NALCN: variants seen among roughly 807,000 people sequenced by gnomAD.
NALCN encodes the protein sodium leak channel NALCN.
A neutral mutation model predicts 225.3 loss-of-function variants in NALCN; 111 were observed. That is an observed-to-expected ratio of 0.49 (90% confidence interval 0.42 to 0.58). The LOEUF (loss-of-function observed/expected upper bound fraction) is 0.58. Among genes scored for constraint, NALCN ranks in the 20% least tolerant of loss-of-function variants. The pLI, the probability that NALCN is intolerant of heterozygous loss-of-function variation, is 0.00. For synonymous variants in NALCN, 764 were observed against 769.0 expected, an observed-to-expected ratio of 0.99 and a Z score of 0.11; for missense variants, 1,378 against 2,202.4, an observed-to-expected ratio of 0.63 and a Z score of 7.49.
chr13:101,273,232 C>T (rs565514062), intron 10 of NALCN, among the ~76,000 whole-genome samples: 1 of 152,342 alleles, frequency 6.6e-6, no homozygotes, highest in Non-Finnish European at 1.5e-5. Flanking sequence ...GGGAAAACGG[C>T]TTGTCACAGC....
At chr13:101,136,407 A>G (rs1250088412) in intron 17 of NALCN, among the ~76,000 whole-genome samples, 1 of 151,770 alleles carries the variant, frequency 6.6e-6, no homozygotes, top group African/African-American at 2.4e-5. Flanking sequence ...TGCACCCATT[A>G]ACTCATCATT....
intron 7 of NALCN, among the ~76,000 whole-genome samples, chr13:101,301,509 T>G (rs1423544847): frequency 6.6e-6 from 1 of 152,016 alleles, no homozygotes; most frequent in Non-Finnish European, 1.5e-5. Flanking sequence ...GATCATGAGG[T>G]CAGGAGCTTG....
intron 3 of NALCN, among the ~76,000 whole-genome samples, chr13:101,391,485 C>T (rs1023945617): frequency 6.7e-6 from 1 of 148,592 alleles, no homozygotes; most frequent in African/African-American, 2.5e-5. Flanking sequence ...GAGTTGGAGA[C>T]CAGCCTGGGC....
At chr13:101,151,708 A>G (rs1004544555) in intron 15 of NALCN, among the ~76,000 whole-genome samples, 2 of 152,210 alleles carry the variant, frequency 1.3e-5, no homozygotes, top group African/African-American at 4.8e-5. Context: ...GAGTCTTGCT[A>G]AGGCGTAAAC....
intron 1 of NALCN, among the ~76,000 whole-genome samples, chr13:101,412,925 G>C (rs2047831613): frequency 6.6e-6 from 1 of 151,992 alleles, no homozygotes; most frequent in Non-Finnish European, 1.5e-5. Flanking sequence ...TTCCAGCTTT[G>C]AACTTTTATA....
At position 101,273,492 on chromosome 13, in the gene NALCN, AG is replaced by A. The variant is rs1449439599; in HGVS notation, c.1134+10440del. ...AATTGCCTTATTGACTAAACATGGGAGAGATGAAAAAGGCACATGTGTCAAG... is the reference window on the plus strand; with the variant it reads ...AATTGCCTTATTGACTAAACATGGGAAGATGAAAAAGGCACATGTGTCAAG... On this transcript the variant is annotated intron_variant, in intron 10 of 43. Transcript: ENST00000251127. 2.0e-5 allele frequency among the ~76,000 whole-genome samples: 3 copies of A among 152,272 alleles called. No homozygotes were observed. In the East Asian group the frequency reaches 5.8e-4, roughly 29 times the overall value.
chr13:101,104,858 T>C lies in NALCN; in HGVS notation c.2636+36A>G, dbSNP rs2035014928. The C allele has an allele frequency of 1.2e-6, 2 of 1,609,816 alleles. No individual in the cohort carries two copies. The highest frequency in any genetic ancestry group is 3.3e-5 in the Admixed American group (2 of 59,852). ...AGCATAAAATAGTACATGAAAACTT[T>C]AAATGTGCATGGAAAATGAAGTTGG... On this transcript the variant is annotated intron_variant, in intron 23 of 43. Coordinates refer to ENST00000251127, the MANE Select transcript of NALCN (RefSeq NM_052867.4). This position sits in a 1 kb window ranked among gnomAD's most constrained non-coding sequence, Gnocchi z 4.2.
At chr13:101,224,440 T>C (rs1277733143) in intron 13 of NALCN, among the ~76,000 whole-genome samples, 1 of 152,154 alleles carries the variant, frequency 6.6e-6, no homozygotes, top group Non-Finnish European at 1.5e-5. Context: ...TCAATATAAA[T>C]TCCCTAATCA....
chr13:101,390,507 G>A (rs560995900), intron 3 of NALCN, among the ~76,000 whole-genome samples: 1 of 152,134 alleles, frequency 6.6e-6, no homozygotes, highest in Admixed American at 6.5e-5. Context: ...AAGGAATCCT[G>A]AAAACAATGC....
At chr13:101,271,501 A>G (rs2042773411) in intron 10 of NALCN, among the ~76,000 whole-genome samples, 1 of 152,014 alleles carries the variant, frequency 6.6e-6, no homozygotes, top group African/African-American at 2.4e-5. Context: ...ATTCCAGGTA[A>G]TTACTGCATA....
intron 7 of NALCN, among the ~76,000 whole-genome samples, chr13:101,316,060 G>C (rs1297471363): frequency 6.6e-6 from 1 of 152,172 alleles, no homozygotes; most frequent in East Asian, 1.9e-4. Flanking sequence ...TCAAGTGACA[G>C]TTGTAGCTCT....
intron 3 of NALCN, among the ~76,000 whole-genome samples, chr13:101,391,765 AC>A (rs1167353529): frequency 6.6e-6 from 1 of 151,368 alleles, no homozygotes; most frequent in Non-Finnish European, 1.5e-5. Flanking sequence ...CAGGTGGATC[AC>A]AAGGTCAGGA....
chr13:101,285,683 A>C lies in NALCN; in HGVS notation c.1048-1664T>G, dbSNP rs115394665. On this transcript the variant is annotated intron_variant, in intron 9 of 43. Coordinates refer to ENST00000251127, the MANE Select transcript of NALCN (RefSeq NM_052867.4). ...CATTTACAGGATTCTGATTTTCTTT[A>C]GAATAAACTGCAAAAACTCTTTTTG... is the stretch of plus-strand genomic sequence containing the variant. 6.5e-4 allele frequency among the ~76,000 whole-genome samples: 99 copies of C among 152,302 alleles called. 1 individual carries two copies. The highest frequency in any genetic ancestry group is 2.1e-3 in the African/African-American group (87 of 41,566).
chr13:101,065,620 TCTC>T, intron 39 of NALCN, 59 bp from the exon 40 acceptor site: 1 of 1,557,264 alleles, frequency 6.4e-7, no homozygotes, highest in Admixed American at 2.0e-5. Flanking sequence ...CACTTGGGTT[TCTC>T]AAAAGAAAAA....
intron 10 of NALCN, among the ~76,000 whole-genome samples, chr13:101,259,805 G>A (rs990111693): frequency 4.1e-5 from 6 of 145,320 alleles, no homozygotes; most frequent in African/African-American, 1.5e-4. Context: ...GAGTACACAA[G>A]ATGTTTTGAT....
At chr13:101,318,303 G>A (rs1322495684) in intron 7 of NALCN, among the ~76,000 whole-genome samples, 3 of 152,136 alleles carry the variant, frequency 2.0e-5, no homozygotes, top group Admixed American at 1.3e-4. Context: ...GTCTGGCCAT[G>A]GTGCACAGCC....
At chr13:101,377,197 C>T (rs1013498738) in intron 4 of NALCN, 141 bp from the exon 5 acceptor site, 2 of 1,035,558 alleles carry the variant, frequency 1.9e-6, no homozygotes, top group African/African-American at 3.2e-5. Flanking sequence ...CCAAAATCCA[C>T]TTTCTTTTGA....
intron 7 of NALCN, among the ~76,000 whole-genome samples, chr13:101,316,808 T>C (rs2044569414): frequency 6.6e-6 from 1 of 152,208 alleles, no homozygotes; most frequent in Non-Finnish European, 1.5e-5. Context: ...CTTACAAATT[T>C]TAAAATTATG....
intron 11 of NALCN, among the ~76,000 whole-genome samples, chr13:101,256,411 GA>G (rs1454334176): frequency 6.6e-6 from 1 of 151,924 alleles, no homozygotes; most frequent in Admixed American, 6.6e-5. Flanking sequence ...CCCCTAACCT[GA>G]AAAAAATCCC....
Sources: allele counts gnomAD v4.1 joint callset (sites outside exome capture counted in the v4.1 genomes callset), GRCh38; gene constraint gnomAD v4.1.1; non-coding constraint Gnocchi (gnomAD v3.1); transcripts MANE v1.5; gene names NCBI Gene and HGNC (gene_info 2026-07-23, HGNC 2026-07-21).